WDPCP: variants seen among roughly 807,000 people sequenced by gnomAD.
The protein encoded by WDPCP is WD repeat containing planar cell polarity effector, also known as WD repeat-containing and planar cell polarity effector protein fritz homolog.
A neutral mutation model predicts 93.1 loss-of-function variants in WDPCP; 71 were observed. The ratio of observed to expected loss-of-function variants is 0.76; its 90% CI spans 0.63 to 0.93. The LOEUF (loss-of-function observed/expected upper bound fraction) is 0.93, where lower values mean the gene tolerates loss of function less well. Ranked by LOEUF, WDPCP falls within the 40% of genes least tolerant of loss-of-function variation. The pLI is 0.00. For missense variants in WDPCP, 844 were observed against 887.4 expected, an observed-to-expected ratio of 0.95 and a Z score of 0.62; for synonymous variants, 315 against 315.0, an observed-to-expected ratio of 1.00 and a Z score of 0.00.
chr2:63,630,774 C>T (rs115293327), intron 3 of WDPCP, among the ~76,000 whole-genome samples: 365 of 152,248 alleles, frequency 2.4e-3, no homozygotes, highest in African/African-American at 8.2e-3. Context: ...CAGAATTCTA[C>T]CCTCCAAACA....
intron 13 of WDPCP, among the ~76,000 whole-genome samples, chr2:63,287,661 A>T (rs1684109849): frequency 1.3e-5 from 2 of 152,212 alleles, no homozygotes; most frequent in South Asian, 4.1e-4. Flanking sequence ...AATTCCAGTT[A>T]TAAATTTTTA....
At chr2:63,127,662 CATATATATATATATAT>C (rs67091232) in intron 17 of WDPCP, among the ~76,000 whole-genome samples, 11 of 131,720 alleles carry the variant, frequency 8.4e-5, no homozygotes, top group African/African-American at 2.0e-4. Context: ...TGTGTATGTG[CATATATATATATATAT>C]ATATATATAT....
intron 13 of WDPCP, among the ~76,000 whole-genome samples, chr2:63,287,876 G>T (rs372475039): frequency 1.1e-4 from 16 of 152,150 alleles, no homozygotes; most frequent in Admixed American, 2.6e-4. Context: ...AGGCAAAAAC[G>T]AGTCTATATT....
intron 2 of WDPCP, among the ~76,000 whole-genome samples, chr2:63,702,028 C>T (rs754403668): frequency 2.6e-5 from 4 of 151,968 alleles, no homozygotes; most frequent in African/African-American, 7.2e-5. Context: ...AAAGAAAAGA[C>T]GATTTTTTTT....
At chr2:63,456,525 G>A (rs369696267) in intron 6 of WDPCP, among the ~76,000 whole-genome samples, 46 of 152,116 alleles carry the variant, frequency 3.0e-4, no homozygotes, top group African/African-American at 9.9e-4. Flanking sequence ...GTGCTAAGAG[G>A]GAAATTTATA....
chr2:63,682,660 GA>G (rs1159706207), intron 2 of WDPCP, among the ~76,000 whole-genome samples: 1 of 151,898 alleles, frequency 6.6e-6, no homozygotes, highest in Admixed American at 6.6e-5. Flanking sequence ...TAAACCTAGA[GA>G]AAGATATAAA....
intron 12 of WDPCP, among the ~76,000 whole-genome samples, chr2:63,337,174 G>T (rs1688441482): frequency 6.6e-6 from 1 of 152,104 alleles, no homozygotes; most frequent in Non-Finnish European, 1.5e-5. Flanking sequence ...TTACAGGCGT[G>T]AGCCACTGCG....
At chr2:63,298,728 T>C (rs1255761009) in intron 13 of WDPCP, among the ~76,000 whole-genome samples, 1 of 152,094 alleles carries the variant, frequency 6.6e-6, no homozygotes, top group Non-Finnish European at 1.5e-5. Context: ...TTGGCAGCCA[T>C]TACATAGAGG....
intron 6 of WDPCP, among the ~76,000 whole-genome samples, chr2:63,446,585 T>C (rs1479877839): frequency 6.6e-6 from 1 of 152,182 alleles, no homozygotes; most frequent in African/African-American, 2.4e-5. Context: ...GAAAGGGTAA[T>C]GTGATAAGCT....
chr2:63,479,850 T>C (rs1398299114), intron 6 of WDPCP, among the ~76,000 whole-genome samples: 5 of 152,082 alleles, frequency 3.3e-5, no homozygotes, highest in Non-Finnish European at 7.4e-5. Flanking sequence ...TCAACACTTC[T>C]ATTCAAAATA....
intron 17 of WDPCP, among the ~76,000 whole-genome samples, chr2:63,137,898 T>C (rs557596833): frequency 9.2e-5 from 14 of 152,282 alleles, no homozygotes; most frequent in African/African-American, 3.1e-4. Context: ...TTCTCTATTC[T>C]GTTCCATTGG....
intron 2 of WDPCP, among the ~76,000 whole-genome samples, chr2:63,653,655 A>G (rs577123612): frequency 2.6e-5 from 4 of 152,360 alleles, no homozygotes; most frequent in African/African-American, 9.6e-5. Flanking sequence ...TCATGCCTGT[A>G]ATCCCAGCAC....
At chr2:63,147,338 A>T (rs908562708) in intron 17 of WDPCP, among the ~76,000 whole-genome samples, 1 of 152,154 alleles carries the variant, frequency 6.6e-6, no homozygotes, top group African/African-American at 2.4e-5. Flanking sequence ...AGTGAAGATG[A>T]TTGATTAACC....
At chr2:63,443,782 T>C (rs1358801625) in intron 6 of WDPCP, among the ~76,000 whole-genome samples, 3 of 152,152 alleles carry the variant, frequency 2.0e-5, no homozygotes, top group Admixed American at 6.6e-5. Flanking sequence ...GTGGGCAGAC[T>C]TGAGATATAT....
At chr2:63,502,831 C>CT (rs1701636930) in intron 1 of WDPCP, among the ~76,000 whole-genome samples, 1 of 151,482 alleles carries the variant, frequency 6.6e-6, no homozygotes, top group Non-Finnish European at 1.5e-5. Flanking sequence ...CTCAATTAAG[C>CT]TAGTGCTGTG....
In WDPCP at chr2:63,492,947, A is replaced by C; in HGVS notation, c.76-7T>G. The C allele has an allele frequency of 6.2e-7, 1 of 1,611,812 alleles. No homozygotes were observed. The highest frequency in any genetic ancestry group is 2.2e-5 in the East Asian group (1 of 44,782). ...GGCAGAAGGAATCTCTATCCTGTTT[A>C]AAAAATAATTAAAAAGAGGTGCCAA... On this transcript the variant is annotated splice_region_variant and splice_polypyrimidine_tract_variant and intron_variant, in intron 1 of 17. Transcript: ENST00000272321.
intron 2 of WDPCP, among the ~76,000 whole-genome samples, chr2:63,765,783 C>T (rs1670128731): frequency 6.6e-6 from 1 of 152,192 alleles, no homozygotes; most frequent in Non-Finnish European, 1.5e-5. Flanking sequence ...AATTCGGGGG[C>T]ACATGTGTTT....
intron 6 of WDPCP, among the ~76,000 whole-genome samples, chr2:63,482,218 T>A (rs1016224140): frequency 6.6e-6 from 1 of 152,032 alleles, no homozygotes; most frequent in Non-Finnish European, 1.5e-5. Context: ...GGATGACAAC[T>A]AAAATAAATT....
intron 6 of WDPCP, among the ~76,000 whole-genome samples, chr2:63,471,330 C>T (rs768054771): frequency 2.6e-5 from 4 of 152,186 alleles, no homozygotes; most frequent in South Asian, 2.1e-4. Flanking sequence ...TAAAAGAAGG[C>T]GAAGAGCAGA....
Sources: gnomAD v4.1 joint callset for allele counts (sites outside exome capture counted in the v4.1 genomes callset) on GRCh38, gnomAD v4.1.1 for gene constraint, MANE v1.5 for transcripts, NCBI Gene and HGNC (gene_info 2026-07-23, HGNC 2026-07-21) for gene names.